Variants in TENM3 observed in about 807,000 individuals in gnomAD.
TENM3 encodes the protein teneurin transmembrane protein 3.
Under a neutral mutation model 255.1 loss-of-function variants are expected in TENM3, and 63 were observed. The ratio of observed to expected loss-of-function variants is 0.25; its 90% CI spans 0.20 to 0.30. The LOEUF (loss-of-function observed/expected upper bound fraction) is 0.30, where lower values mean the gene tolerates loss of function less well. TENM3 is among the 10% of genes least tolerant of loss of function. TENM3 has a pLI of 1.00. For synonymous variants in TENM3, 1,306 were observed against 1,322.3 expected (o/e 0.99, Z 0.27); for missense variants, 2,929 against 3,461.1 (o/e 0.85, Z 3.86).
At chr4:182,464,712 C>T (rs1037464029) in intron 3 of TENM3, among the ~76,000 whole-genome samples, 4 of 152,024 alleles carry the variant, frequency 2.6e-5, no homozygotes, top group Non-Finnish European at 4.4e-5. Flanking sequence ...GCTTTTCATG[C>T]TATGGAAAGA....
chr4:181,926,791 T>C, the TENM3 span, among the ~76,000 whole-genome samples: 3 of 152,038 alleles, frequency 2.0e-5, no homozygotes, highest in Non-Finnish European at 4.4e-5. Flanking sequence ...CAGTGATTTC[T>C]GCATTTCCAA....
the TENM3 span, among the ~76,000 whole-genome samples, chr4:181,679,723 T>C: frequency 6.6e-6 from 1 of 152,166 alleles, no homozygotes; most frequent in Non-Finnish European, 1.5e-5. Flanking sequence ...AGTCAAAACA[T>C]TTGATCAAGT....
chr4:181,702,247 C>A, the TENM3 span, among the ~76,000 whole-genome samples: 2 of 152,160 alleles, frequency 1.3e-5, no homozygotes, highest in African/African-American at 4.8e-5. Flanking sequence ...TTCTGTCCTT[C>A]GGTCTCAGTA....
intron 1 of TENM3, among the ~76,000 whole-genome samples, chr4:182,301,833 A>C (rs2150371936): frequency 6.6e-6 from 1 of 152,216 alleles, no homozygotes; most frequent in Non-Finnish European, 1.5e-5. Context: ...TAAGTGTGGC[A>C]CACAACTCTA....
chr4:181,741,618 A>AG, the TENM3 span, among the ~76,000 whole-genome samples: 1 of 152,184 alleles, frequency 6.6e-6, no homozygotes, highest in Non-Finnish European at 1.5e-5. Flanking sequence ...AATGTGCCTG[A>AG]ATTATTACTA....
chr4:182,482,464 C>A (rs1441501805), intron 3 of TENM3, among the ~76,000 whole-genome samples: 1 of 151,988 alleles, frequency 6.6e-6, no homozygotes, highest in Non-Finnish European at 1.5e-5. Context: ...AAAAAAATTA[C>A]CCTTCAGTGT....
At chr4:181,923,740 C>T in the TENM3 span, among the ~76,000 whole-genome samples, 1 of 152,066 alleles carries the variant, frequency 6.6e-6, no homozygotes, top group South Asian at 2.1e-4. Flanking sequence ...AGCCTGGAAA[C>T]ATCATTTGAA....
the TENM3 span, among the ~76,000 whole-genome samples, chr4:181,620,541 G>T: frequency 6.6e-6 from 1 of 151,924 alleles, no homozygotes; most frequent in East Asian, 1.9e-4. Flanking sequence ...TTGTTCAAGG[G>T]TCAACTGTAG....
chr4:182,119,842 C>T, the TENM3 span, among the ~76,000 whole-genome samples: 1 of 152,040 alleles, frequency 6.6e-6, no homozygotes, highest in African/African-American at 2.4e-5. Context: ...ACTGGGACTA[C>T]AAGTACATAC....
At chr4:181,566,640 C>A in the TENM3 span, among the ~76,000 whole-genome samples, 1 of 152,162 alleles carries the variant, frequency 6.6e-6, no homozygotes, top group African/African-American at 2.4e-5. Flanking sequence ...ATGCAGCGAC[C>A]AGCTGTGGTT....
the TENM3 span, among the ~76,000 whole-genome samples, chr4:182,032,535 G>T: frequency 6.6e-6 from 1 of 152,088 alleles, no homozygotes; most frequent in Non-Finnish European, 1.5e-5. Context: ...ATCTCTGTCA[G>T]GTTTTGGTAT....
intron 3 of TENM3, among the ~76,000 whole-genome samples, chr4:182,365,911 A>G (rs1167118192): frequency 1.3e-5 from 2 of 152,224 alleles, no homozygotes; most frequent in Non-Finnish European, 2.9e-5. Flanking sequence ...TGTACAGAAT[A>G]CCGCAGGCAT....
chr4:182,198,410 C>G (rs1244352234), intron 1 of TENM3, among the ~76,000 whole-genome samples: 5 of 152,220 alleles, frequency 3.3e-5, no homozygotes, highest in African/African-American at 1.2e-4. Context: ...TTTGTGAACT[C>G]AAGGCGGTGA....
intron 4 of TENM3, among the ~76,000 whole-genome samples, chr4:182,619,438 A>T (rs1175680602): frequency 6.6e-6 from 1 of 152,040 alleles, no homozygotes; most frequent in Non-Finnish European, 1.5e-5. Context: ...TCAAAAAAAA[A>T]AACAATAGAA....
At chr4:182,174,680 T>G (rs1241631421) in intron 1 of TENM3, among the ~76,000 whole-genome samples, 4 of 152,096 alleles carry the variant, frequency 2.6e-5, no homozygotes, top group Admixed American at 6.6e-5. Flanking sequence ...AGAAAATAAT[T>G]GAAACTGGAG....
chr4:182,017,193 C>T, the TENM3 span, among the ~76,000 whole-genome samples: 1 of 152,252 alleles, frequency 6.6e-6, no homozygotes, highest in African/African-American at 2.4e-5. Context: ...TACTCTGTTC[C>T]CATCCACACC....
At chr4:181,888,494 G>GTATATA in the TENM3 span, among the ~76,000 whole-genome samples, 1,396 of 27,740 alleles carry the variant, frequency 0.05, 45 homozygotes, top group Middle Eastern at 0.079. Flanking sequence ...ATAGAAATGT[G>GTATATA]TATATATATA....
the TENM3 span, among the ~76,000 whole-genome samples, chr4:181,823,119 C>G: frequency 6.6e-6 from 1 of 152,220 alleles, no homozygotes; most frequent in African/African-American, 2.4e-5. Flanking sequence ...TAGCGGCTAT[C>G]TGCAGAGTGC....
chr4:181,691,235 T>TTGTG, the TENM3 span, among the ~76,000 whole-genome samples: 2,092 of 150,930 alleles, frequency 0.014, 51 homozygotes, highest in African/African-American at 0.048. Context: ...AAATATGATC[T>TTGTG]TGTGTGTGTG....
Sources: gnomAD v4.1 joint callset for allele counts (sites outside exome capture counted in the v4.1 genomes callset) on GRCh38, gnomAD v4.1.1 for gene constraint, MANE v1.5 for transcripts, NCBI Gene and HGNC (gene_info 2026-07-23, HGNC 2026-07-21) for gene names.